PRKCB: variants seen among roughly 807,000 people sequenced by gnomAD.
PRKCB encodes the protein protein kinase C beta.
In PRKCB, 13 loss-of-function variants were observed where a neutral mutation model predicts 81.5. The ratio of observed to expected loss-of-function variants is 0.16; its 90% confidence interval spans 0.10 to 0.25. The LOEUF (loss-of-function observed/expected upper bound fraction) is 0.25, where lower values mean the gene tolerates loss of function less well. PRKCB is among the 10% of genes least tolerant of loss of function. The pLI is 1.00. For synonymous variants in PRKCB, 335 were observed against 321.4 expected (o/e 1.04, Z -0.45); for missense variants, 509 against 875.7 (o/e 0.58, Z 5.29).
chr16:24,142,684 G>A (rs8053506), intron 9 of PRKCB, among the ~76,000 whole-genome samples: 14 of 152,322 alleles, frequency 9.2e-5, no homozygotes, highest in Middle Eastern at 3.4e-3. Context: ...GGCAAGGCTC[G>A]TCCACGGAAG....
intron 3 of PRKCB, among the ~76,000 whole-genome samples, chr16:24,025,197 A>G (rs1289680596): frequency 6.6e-6 from 1 of 152,170 alleles, no homozygotes; most frequent in Admixed American, 6.5e-5. Flanking sequence ...CTAAAATAGC[A>G]TGTTTATGGT....
At chr16:24,117,547 A>G (rs1465436154) in intron 8 of PRKCB, among the ~76,000 whole-genome samples, 1 of 152,162 alleles carries the variant, frequency 6.6e-6, no homozygotes, top group African/African-American at 2.4e-5. Flanking sequence ...TACTATTATC[A>G]CGCTATTTTA....
At chr16:23,947,912 G>A (rs1456183381) in intron 2 of PRKCB, among the ~76,000 whole-genome samples, 1 of 100,980 alleles carries the variant, frequency 9.9e-6, no homozygotes, top group African/African-American at 3.8e-5. Flanking sequence ...TTTAATATTT[G>A]TGAATTCGCC....
intron 2 of PRKCB, among the ~76,000 whole-genome samples, chr16:23,981,394 C>A (rs1964700325): frequency 6.6e-6 from 1 of 152,032 alleles, no homozygotes. Flanking sequence ...GTATAACCCC[C>A]TTTCTCAAGA....
intron 5 of PRKCB, among the ~76,000 whole-genome samples, chr16:24,039,973 G>A (rs1340269835): frequency 6.6e-6 from 1 of 152,122 alleles, no homozygotes; most frequent in Non-Finnish European, 1.5e-5. Context: ...TTTGTGGAAT[G>A]GCCCCACCTC....
chr16:23,958,813 C>A (rs1203968660), intron 2 of PRKCB, among the ~76,000 whole-genome samples: 2 of 151,144 alleles, frequency 1.3e-5, no homozygotes, highest in Non-Finnish European at 2.9e-5. Flanking sequence ...CTTACCAATG[C>A]CTACAGAAAT....
intron 2 of PRKCB, among the ~76,000 whole-genome samples, chr16:23,967,731 C>T (rs1964506025): frequency 6.6e-6 from 1 of 152,150 alleles, no homozygotes. Flanking sequence ...CGGCCCACTG[C>T]AACCTCCACC....
intron 2 of PRKCB, chr16:23,869,123 A>G: frequency 2.2e-6 from 1 of 453,828 alleles, no homozygotes; most frequent in South Asian, 1.6e-5. Context: ...GAAGGGACAC[A>G]CTTTCCTTCC....
chr16:24,081,081 G>T (rs1357959407), intron 5 of PRKCB, among the ~76,000 whole-genome samples: 2 of 151,970 alleles, frequency 1.3e-5, no homozygotes, highest in African/African-American at 4.8e-5. Context: ...CTTTAATAAA[G>T]TACAATTTAT....
At chr16:23,975,020 C>T (rs1013611793) in intron 2 of PRKCB, among the ~76,000 whole-genome samples, 22 of 152,154 alleles carry the variant, frequency 1.4e-4, no homozygotes, top group African/African-American at 3.9e-4. Context: ...GACTGCATAC[C>T]GTGGAGAAAG....
At chr16:24,020,402 C>G (rs558951158) in intron 3 of PRKCB, among the ~76,000 whole-genome samples, 39 of 152,268 alleles carry the variant, frequency 2.6e-4, no homozygotes, top group African/African-American at 9.1e-4. Context: ...TCCACAATGA[C>G]TTTTGCACCT....
At chr16:23,900,644 G>GTGAT (rs1963455060) in intron 2 of PRKCB, among the ~76,000 whole-genome samples, 2 of 141,642 alleles carry the variant, frequency 1.4e-5, no homozygotes, top group Non-Finnish European at 3.0e-5. Context: ...TTTTTCCTAT[G>GTGAT]TGATGACGTA....
chr16:24,028,585 CT>C (rs1405015196), intron 3 of PRKCB, among the ~76,000 whole-genome samples: 3 of 152,206 alleles, frequency 2.0e-5, no homozygotes, highest in Non-Finnish European at 4.4e-5. Context: ...TGAACCTACA[CT>C]TGTGTTGAAC....
intron 5 of PRKCB, among the ~76,000 whole-genome samples, chr16:24,084,482 G>A (rs1414292988): frequency 6.6e-6 from 1 of 151,908 alleles, no homozygotes; most frequent in African/African-American, 2.4e-5. Context: ...AGATAAAAGC[G>A]GTTAAGAAAA....
At chr16:24,184,435 A>G (rs1967671895) in intron 13 of PRKCB, among the ~76,000 whole-genome samples, 3 of 151,926 alleles carry the variant, frequency 2.0e-5, no homozygotes, top group Non-Finnish European at 2.9e-5. Flanking sequence ...AGCCTGGGTG[A>G]CAAAAAGAGA....
chr16:24,106,634 C>T (rs745677104), intron 7 of PRKCB, among the ~76,000 whole-genome samples: 11 of 152,034 alleles, frequency 7.2e-5, no homozygotes, highest in Non-Finnish European at 1.6e-4. Flanking sequence ...AAAGGGTTTG[C>T]CAAAATGTCC....
intron 2 of PRKCB, among the ~76,000 whole-genome samples, chr16:23,940,915 T>G (rs1268026302): frequency 1.3e-5 from 2 of 152,188 alleles, no homozygotes; most frequent in Non-Finnish European, 2.9e-5. Flanking sequence ...GTTGTATGGA[T>G]TTGGTTAAAT....
intron 15 of PRKCB, among the ~76,000 whole-genome samples, chr16:24,188,707 C>G (rs1967743432): frequency 6.6e-6 from 1 of 152,128 alleles, no homozygotes; most frequent in African/African-American, 2.4e-5. Flanking sequence ...AGACACTGAA[C>G]AGCTGAGACT....
chr16:23,867,058 CTCTCTCTTTCTTTCTT>C (rs1298153590), intron 2 of PRKCB, among the ~76,000 whole-genome samples: 132 of 104,804 alleles, frequency 1.3e-3, no homozygotes, highest in African/African-American at 4.3e-3. Context: ...CCTTCTCTCT[CTCTCTCTTTCTTTCTT>C]TCTCTTTCTT....
Sources: allele counts gnomAD v4.1 joint callset (sites outside exome capture counted in the v4.1 genomes callset), GRCh38; gene constraint gnomAD v4.1.1; transcripts MANE v1.5; gene names NCBI Gene and HGNC (gene_info 2026-07-23, HGNC 2026-07-21).